CALN1: variants seen among roughly 807,000 people sequenced by gnomAD.
CALN1 encodes the protein calcium-binding protein 8.
CALN1 carries 17 observed loss-of-function variants against 30.6 expected under a neutral mutation model. That is an observed-to-expected ratio of 0.56 (90% CI 0.38 to 0.83). The LOEUF is 0.83. Among genes scored for constraint, CALN1 ranks in the 40% least tolerant of loss-of-function variants. The probability of loss-of-function intolerance (pLI) is 0.00; values close to 1 mark genes in which losing one functional copy is unlikely to be tolerated. For missense variants in CALN1, 291 were observed against 354.9 expected (o/e 0.82, Z 1.45); for synonymous variants, 156 against 131.4 (o/e 1.19, Z -1.28).
At chr7:72,160,142 G>C (rs969000996) in intron 3 of CALN1, among the ~76,000 whole-genome samples, 2 of 152,128 alleles carry the variant, frequency 1.3e-5, no homozygotes, top group African/African-American at 2.4e-5. Context: ...GAATAACATG[G>C]TTATTCTACT....
chr7:72,491,021 G>A, the CALN1 span, among the ~76,000 whole-genome samples: 1 of 152,138 alleles, frequency 6.6e-6, no homozygotes, highest in Non-Finnish European at 1.5e-5. Context: ...GAGGCGGGTG[G>A]ATCACGAGGT....
At chr7:71,956,100 G>C (rs10259553) in intron 5 of CALN1, among the ~76,000 whole-genome samples, 29,754 of 151,658 alleles carry the variant, frequency 0.2, 3,070 homozygotes, top group Middle Eastern at 0.28. Flanking sequence ...CAATTCTCCT[G>C]CCTCAGCCTC....
intron 6 of CALN1, among the ~76,000 whole-genome samples, chr7:71,790,416 GAAAGA>G (rs1402173632): frequency 6.9e-6 from 1 of 145,524 alleles, no homozygotes; most frequent in Non-Finnish European, 1.5e-5. Flanking sequence ...AAGAAAGAAA[GAAAGA>G]AAGAAGCAAG....
chr7:72,132,343 G>A (rs10260183), intron 3 of CALN1, among the ~76,000 whole-genome samples: 1 of 151,896 alleles, frequency 6.6e-6, no homozygotes, highest in Non-Finnish European at 1.5e-5. Context: ...TGTAATTTCT[G>A]CAATACCGTA....
At chr7:72,500,633 T>C in the CALN1 span, among the ~76,000 whole-genome samples, 4 of 152,132 alleles carry the variant, frequency 2.6e-5, no homozygotes, top group East Asian at 5.8e-4. Flanking sequence ...CCTGTCCAAT[T>C]CCTGTGATTA....
chr7:72,336,547 G>GTA (rs1802052521), intron 2 of CALN1, among the ~76,000 whole-genome samples: 2 of 152,128 alleles, frequency 1.3e-5, no homozygotes, highest in Non-Finnish European at 2.9e-5. Context: ...GAGCCAACAG[G>GTA]TACGGGAGGC....
the CALN1 span, among the ~76,000 whole-genome samples, chr7:72,492,305 C>T: frequency 1.3e-5 from 2 of 152,238 alleles, no homozygotes; most frequent in Non-Finnish European, 2.9e-5. Flanking sequence ...TACCCAAGGT[C>T]AGAGAGTTAG....
rs1792747006 is a variant in CALN1, at chr7:71,782,039, T to A, written c.*5736A>T. 6.6e-6 allele frequency: 1 copy of A among 152,224 alleles called. No individual in the cohort carries two copies. The highest frequency in any genetic ancestry group is 1.5e-5 in the Non-Finnish European group (1 of 68,046). 9.4% of individuals were successfully genotyped at this position (152,224 alleles called of 1,614,324 possible). ...GAAGGAGAAACCACAGCTGTCAAAATGACCATATGCATTAGCAATGACCAT... is the reference window on the plus strand; with the variant it reads ...GAAGGAGAAACCACAGCTGTCAAAAAGACCATATGCATTAGCAATGACCAT... On this transcript the variant is annotated 3_prime_UTR_variant, in exon 7 of 7. Coordinates refer to ENST00000395275, the MANE Select transcript of CALN1 (RefSeq NM_031468.4).
At chr7:72,021,403 T>G (rs894472998) in intron 5 of CALN1, among the ~76,000 whole-genome samples, 1 of 151,958 alleles carries the variant, frequency 6.6e-6, no homozygotes, top group Admixed American at 6.6e-5. Flanking sequence ...CCTCCATGGG[T>G]CAAAAGATGG....
chr7:72,163,363 G>T (rs1459827387), intron 3 of CALN1, among the ~76,000 whole-genome samples: 4 of 128,704 alleles, frequency 3.1e-5, no homozygotes, highest in Non-Finnish European at 6.5e-5. Flanking sequence ...TATCCACAAT[G>T]TACTACAAGA....
chr7:72,409,139 G>C (rs983974916), intron 1 of CALN1, among the ~76,000 whole-genome samples: 1 of 152,012 alleles, frequency 6.6e-6, no homozygotes, highest in South Asian at 2.1e-4. Context: ...GGGATTACAG[G>C]CGCCCGCCAC....
intron 4 of CALN1, among the ~76,000 whole-genome samples, chr7:72,091,069 T>C (rs994832730): frequency 6.6e-6 from 1 of 152,166 alleles, no homozygotes; most frequent in Non-Finnish European, 1.5e-5. Context: ...GGCTCATGCC[T>C]GTAATCCCAG....
intron 2 of CALN1, among the ~76,000 whole-genome samples, chr7:72,280,945 C>T (rs182227652): frequency 1.3e-5 from 2 of 152,060 alleles, no homozygotes; most frequent in Non-Finnish European, 2.9e-5. Flanking sequence ...GAGTTCGAGA[C>T]CAGCCTGGCC....
At chr7:72,494,348 G>C in the CALN1 span, among the ~76,000 whole-genome samples, 1 of 152,212 alleles carries the variant, frequency 6.6e-6, no homozygotes, top group Non-Finnish European at 1.5e-5. Context: ...CAAAGGTCCA[G>C]AGGACCTGCT....
intron 2 of CALN1, among the ~76,000 whole-genome samples, chr7:72,360,484 T>A (rs1239275198): frequency 1.3e-5 from 2 of 151,542 alleles, no homozygotes; most frequent in African/African-American, 4.8e-5. Flanking sequence ...TATAGATGCA[T>A]ACAAAAAAAT....
chr7:72,499,223 G>C, the CALN1 span, among the ~76,000 whole-genome samples: 1 of 152,006 alleles, frequency 6.6e-6, no homozygotes, highest in Non-Finnish European at 1.5e-5. Context: ...TAGAGACGAG[G>C]TTTCACCATG....
At chr7:72,249,555 C>A (rs1019230530) in intron 3 of CALN1, among the ~76,000 whole-genome samples, 3 of 143,656 alleles carry the variant, frequency 2.1e-5, no homozygotes, top group Admixed American at 1.4e-4. Flanking sequence ...GTAATCACAG[C>A]CTTTGGGAGG....
chr7:72,278,007 C>CCGG (rs1491580194), intron 3 of CALN1, among the ~76,000 whole-genome samples: 756 of 29,864 alleles, frequency 0.025, 35 homozygotes, highest in East Asian at 0.17. Context: ...ATCCTCTATT[C>CCGG]CGGGGGGGGG....
chr7:72,474,657 C>T, the CALN1 span, among the ~76,000 whole-genome samples: 1 of 151,758 alleles, frequency 6.6e-6, no homozygotes, highest in Non-Finnish European at 1.5e-5. Context: ...TGCACTCTAG[C>T]CTGGGCGACA....
Sources: allele counts gnomAD v4.1 joint callset (sites outside exome capture counted in the v4.1 genomes callset), GRCh38; gene constraint gnomAD v4.1.1; transcripts MANE v1.5; gene names NCBI Gene and HGNC (gene_info 2026-07-23, HGNC 2026-07-21).